The following RYR1 variants were observed in gnomAD, a reference collection of about 807,000 sequenced individuals.
RYR1 encodes central core disease of muscle.
A neutral mutation model predicts 583.5 loss-of-function variants in RYR1; 342 were observed. That is an observed-to-expected ratio of 0.59 (90% CI 0.54 to 0.64). The LOEUF is 0.64. RYR1 is among the 30% of genes least tolerant of loss of function. The pLI, the probability that RYR1 is intolerant of heterozygous loss-of-function variation, is 0.00. For missense variants in RYR1, 6,032 were observed against 6,917.2 expected (o/e 0.87, Z 4.54); for synonymous variants, 2,791 against 2,822.5 (o/e 0.99, Z 0.35).
At chr19:38,494,853 C>CTTT (rs1226486711) in intron 39 of RYR1, among the ~76,000 whole-genome samples, 16 of 127,378 alleles carry the variant, frequency 1.3e-4, no homozygotes, top group East Asian at 2.5e-4. Flanking sequence ...CCACCCCCCC[C>CTTT]TTTTTTTTTT....
In RYR1 at chr19:38,566,912, TGGATGGAGTGGAGGA is replaced by T; in HGVS notation, c.13443_13457del (p.Asp4481_Glu4485del). ...CCCTGATGCTTGCCCTGTCCCTAGG[TGGATGGAGTGGAGGA>T]GGAGCTCCCGCCAGAGCCAGAGCCC... On this transcript the variant is annotated inframe_deletion and splice_region_variant, in exon 92 of 106. Transcript: ENST00000359596. The T allele has an allele frequency of 2.5e-6, 4 of 1,603,578 alleles. No individual in the cohort carries two copies. The highest frequency in any genetic ancestry group is 3.4e-6 in the Non-Finnish European group (4 of 1,175,472).
chr19:38,467,542 C>T, intron 24 of RYR1, 68 bp from the exon 25 acceptor site: 1 of 1,547,094 alleles, frequency 6.5e-7, no homozygotes, highest in Non-Finnish European at 8.9e-7. Context: ...TGTCTTCTAC[C>T]AACTTCTCGA....
intron 89 of RYR1, among the ~76,000 whole-genome samples, chr19:38,559,431 A>G (rs1973026525): frequency 6.6e-6 from 1 of 151,806 alleles, no homozygotes; most frequent in Non-Finnish European, 1.5e-5. Flanking sequence ...ACGGGGTTTC[A>G]CCATGTTGTC....
chr19:38,576,717 T>C (rs2145884186), intron 97 of RYR1, among the ~76,000 whole-genome samples: 1 of 151,156 alleles, frequency 6.6e-6, no homozygotes, highest in East Asian at 2.0e-4. Context: ...GGAGAATCAC[T>C]TGAACCCGGG....
At chr19:38,509,329 T>A (rs1341315345) in intron 58 of RYR1, among the ~76,000 whole-genome samples, 1 of 152,108 alleles carries the variant, frequency 6.6e-6, no homozygotes, top group East Asian at 1.9e-4. Flanking sequence ...AAATGGGGGT[T>A]GGGAACCAAC....
intron 83 of RYR1, 102 bp from the exon 84 acceptor site, chr19:38,537,778 C>G: frequency 9.2e-7 from 1 of 1,092,556 alleles, no homozygotes; most frequent in Non-Finnish European, 1.4e-6. Flanking sequence ...CACCCCCATG[C>G]TTTGTGCATG....
In RYR1 at chr19:38,448,635, C is replaced by T; in HGVS notation, c.958-14C>T. 6.2e-7 allele frequency: 1 copy of T among 1,614,168 alleles called. No homozygotes were observed. The highest frequency in any genetic ancestry group is 8.5e-7 in the Non-Finnish European group (1 of 1,180,016). On this transcript the variant is annotated splice_polypyrimidine_tract_variant and intron_variant, in intron 10 of 105. Transcript: ENST00000359596. Reference sequence around the variant, plus strand: ...CAGGCAGAGGAGGCTGACCTGTGTCCCCTGCCCCTGTAGGAGAAGCTGGAT... The same window carrying T: ...CAGGCAGAGGAGGCTGACCTGTGTCTCCTGCCCCTGTAGGAGAAGCTGGAT...
intron 91 of RYR1, among the ~76,000 whole-genome samples, chr19:38,566,137 C>T (rs1253193843): frequency 6.6e-6 from 1 of 151,624 alleles, no homozygotes; most frequent in African/African-American, 2.4e-5. Context: ...ACCCAGAGAC[C>T]AAATTAGAGG....
In RYR1 at chr19:38,510,740, C is replaced by T. The variant is rs375021688; in HGVS notation, c.9081C>T (p.Ser3027=). The T allele has an allele frequency of 1.7e-5, 27 of 1,614,038 alleles. No individual in the cohort carries two copies. The East Asian group carries it at 3.6e-4, about 21-fold the overall frequency. Residue 3027 remains serine, a synonymous_variant, in exon 60 of 106, where the codon AGC becomes AGT. Transcript: ENST00000359596. ...FLSTPAKVLG[S]GGHASNKEKE... ...CCACTCCGGCTAAAGTGCTGGGCAG[C>T]GGTGGCCACGCCTCTAACAAGGAGA...
chr19:38,496,222 A>G lies in RYR1; in HGVS notation c.6556A>G (p.Met2186Val). 1 of 1,613,626 alleles carries G rather than the reference A, an allele frequency of 6.2e-7. No homozygotes were observed. ...CACTCTGCCCGTGCACAGGAACATC[A>G]TGAACAACAAAGTCTTCTACCAACA... ...NLMIQSIGNI[M>V]NNKVFYQHPN... Residue 2186 changes from methionine (M) to valine (V), a missense_variant, in exon 40 of 106, where the codon ATG becomes GTG. Physicochemically the swap from Met to Val is conservative, Grantham distance 21. Coordinates refer to ENST00000359596, the MANE Select transcript of RYR1 (RefSeq NM_000540.3). The surrounding 1 kb of genome is among the most constrained non-coding windows in gnomAD (Gnocchi z 4.8).
At position 38,529,020 on chromosome 19, in the gene RYR1, G is replaced by T; in HGVS notation, c.11104G>T (p.Val3702Phe). ...EKKPDPLHQL[V>F]LHFSRTALTE... ...GAAGCCAGACCCCCTGCACCAGTTG[G>T]TCCTGCACTTCAGCCGCACTGCCCT... Residue 3702 changes from valine (V) to phenylalanine (F), a missense_variant, in exon 76 of 106, where the codon GTC becomes TTC. Val to Phe is a conservative substitution (Grantham distance 50, BLOSUM62 -1). This residue lies in a region of RYR1 where 1,493 missense variants were observed against 1,715.5 expected (regional missense o/e 0.87). Transcript: ENST00000359596. The T allele has an allele frequency of 6.2e-7, 1 of 1,613,974 alleles. No homozygotes were observed. The highest frequency in any genetic ancestry group is 8.5e-7 in the Non-Finnish European group (1 of 1,180,000).
chr19:38,548,692 C>T (rs1483218417), intron 89 of RYR1, among the ~76,000 whole-genome samples: 3 of 152,214 alleles, frequency 2.0e-5, no homozygotes, highest in African/African-American at 7.2e-5. Flanking sequence ...ATCCTCCCAC[C>T]TCAGCCTCCT....
intron 29 of RYR1, 66 bp from the exon 30 acceptor site, chr19:38,477,644 G>A (rs1364045026): frequency 3.1e-6 from 5 of 1,610,864 alleles, no homozygotes; most frequent in East Asian, 2.2e-5. Context: ...AACCAATTTC[G>A]AGTCCCAGGG....
At chr19:38,470,465 CATGGTGGCT>C (rs1968366613) in intron 27 of RYR1, among the ~76,000 whole-genome samples, 2 of 149,350 alleles carry the variant, frequency 1.3e-5, no homozygotes, top group Admixed American at 6.7e-5. Flanking sequence ...AAGAGCTGGG[CATGGTGGCT>C]CATGCCTGTA....
At position 38,496,870 on chromosome 19, in the gene RYR1, C is replaced by T. The variant is rs1312114532; in HGVS notation, c.6807C>T (p.Gly2269=). 5 of 1,613,400 alleles carry T rather than the reference C, an allele frequency of 3.1e-6. No individual in the cohort carries two copies. Among genetic ancestry groups the T allele is most frequent in the South Asian group, 2.2e-5 (2 of 91,062 alleles). ...CTCTCGCCCCTGCAGGCATGCAGGG[C>T]TCCACGCCCCTGGACGTGGCTGCTG... ...ENSGIGLGMQ[G]STPLDVAAAS... The change falls in exon 42 of 106, where the codon GGC becomes GGT. Residue 2269 remains glycine (G), a synonymous_variant. Coordinates refer to ENST00000359596, the MANE Select transcript of RYR1 (RefSeq NM_000540.3). This position sits in a 1 kb window ranked among gnomAD's most constrained non-coding sequence, Gnocchi z 4.8.
chr19:38,452,851 G>C lies in RYR1; in HGVS notation c.1277G>C (p.Gly426Ala). ...SLDSFSGKPR[G>A]SGPPAGTALP... ...GACAGCTTCAGCGGGAAGCCACGGG[G>C]CTCGGGGCCACCCGCTGGCACGGCG... is the stretch of plus-strand genomic sequence containing the variant. Residue 426 changes from glycine to alanine, a missense_variant, in exon 13 of 106, where the codon GGC becomes GCC. Physicochemically the swap from Gly to Ala is moderately conservative, Grantham distance 60. This residue lies in a region of RYR1 where 2,627 missense variants were observed against 2,961.3 expected (regional missense o/e 0.89). Coordinates refer to ENST00000359596, the MANE Select transcript of RYR1 (RefSeq NM_000540.3). The C allele has an allele frequency of 6.2e-7, 1 of 1,605,326 alleles. No individual in the cohort carries two copies. Among genetic ancestry groups the C allele is most frequent in the Non-Finnish European group, 8.5e-7 (1 of 1,176,090 alleles).
Position 38,477,570 on chromosome 19 carries a change from G to T in RYR1, c.4294-140G>T, listed in dbSNP as rs1600742885. The T allele has an allele frequency of 3.2e-6, 3 of 946,848 alleles. No homozygotes were observed. The East Asian group carries it at 7.5e-5, about 24-fold the overall frequency. 58.7% of individuals were successfully genotyped at this position (946,848 alleles called of 1,614,324 possible). On this transcript the variant is annotated intron_variant, in intron 29 of 105. Transcript: ENST00000359596. The stretch of plus-strand genomic sequence containing the variant: ...TTGACACAGAAACAGACATAACCAG[G>T]GGGTGGGGGACTCAGATCCAACAAC...
rs1600643588 is a variant in RYR1 at position 38,444,574 on chromosome 19, T to C, written c.538-10T>C. On this transcript the variant is annotated splice_polypyrimidine_tract_variant and intron_variant, in intron 6 of 105. Coordinates refer to ENST00000359596, the MANE Select transcript of RYR1 (RefSeq NM_000540.3). The surrounding 1 kb of genome is among the most constrained non-coding windows in gnomAD (Gnocchi z 5.1). ...ATCGTCTCTGACTGCCGCATCCTGG[T>C]GGCCCCCAGCACCTGTCGACCGCCA... The C allele has an allele frequency of 6.2e-7, 1 of 1,612,332 alleles. No homozygotes were observed. Among genetic ancestry groups the C allele is most frequent in the Admixed American group, 1.7e-5 (1 of 59,858 alleles).
intron 48 of RYR1, 56 bp downstream of exon 48, chr19:38,502,783 G>C: frequency 8.6e-7 from 1 of 1,164,030 alleles, no homozygotes; most frequent in Non-Finnish European, 1.2e-6. Flanking sequence ...GCAGGGGCAG[G>C]GGCAGGGGCA....
Sources: gnomAD v4.1 joint callset for allele counts (sites outside exome capture counted in the v4.1 genomes callset) on GRCh38, gnomAD v4.1.1 for gene constraint, gnomAD v4.1.1 regional missense constraint, Gnocchi (gnomAD v3.1) non-coding constraint, MANE v1.5 for transcripts, NCBI Gene and HGNC (gene_info 2026-07-23, HGNC 2026-07-21) for gene names.